Variants in HARS1 observed in about 807,000 individuals in gnomAD.
HARS1 encodes the protein histidyl-tRNA synthetase 1.
HARS1 carries 45 observed loss-of-function variants against 63.6 expected under a neutral mutation model. That is an observed-to-expected ratio of 0.71 (90% confidence interval 0.56 to 0.91). The LOEUF (loss-of-function observed/expected upper bound fraction) is 0.91. HARS1 is among the 40% of genes least tolerant of loss of function. The pLI, the probability that HARS1 is intolerant of heterozygous loss-of-function variation, is 0.00. For synonymous variants in HARS1, 205 were observed against 247.1 expected, an observed-to-expected ratio of 0.83 and a Z score of 1.60; for missense variants, 508 against 643.2, an observed-to-expected ratio of 0.79 and a Z score of 2.27.
At chr5:140,686,603 C>CT (rs569351034) in intron 2 of HARS1, among the ~76,000 whole-genome samples, 3,024 of 135,918 alleles carry the variant, frequency 0.022, 83 homozygotes, top group African/African-American at 0.071. Context: ...TTCTAAAATT[C>CT]TTTTTTTTTT....
intron 1 of HARS1, 38 bp from the exon 2 acceptor site, chr5:140,690,982 C>T (rs751788490): frequency 4.3e-6 from 5 of 1,169,792 alleles, no homozygotes; most frequent in Non-Finnish European, 6.4e-6. Flanking sequence ...ATCCATCTGT[C>T]ACTCTCCTCC....
chr5:140,674,388 G>A, intron 12 of HARS1, 60 bp from the exon 13 acceptor site: 7 of 1,205,690 alleles, frequency 5.8e-6, no homozygotes, highest in Non-Finnish European at 8.7e-6. Flanking sequence ...CTCCCCGAGT[G>A]CCTAGTTTCC....
At chr5:140,684,243 T>C in intron 2 of HARS1, 1 of 487,484 alleles carries the variant, frequency 2.1e-6, no homozygotes, top group Non-Finnish European at 2.7e-6. Context: ...TGAGCTGAGA[T>C]AGTGCCACTG....
Position 140,685,001 on chromosome 5 carries a change from G to A in HARS1, c.181-1782C>T, listed in dbSNP as rs188766717. 305 of 152,240 alleles carry A rather than the reference G, an allele frequency of 2.0e-3. 2 individuals are homozygous for A. The highest frequency in any genetic ancestry group is 6.7e-3 in the African/African-American group (278 of 41,538). The allele number at this position is 152,240 out of a possible 1,614,324, so 9.4% of individuals were successfully genotyped here. ...TCAATCTGTCGTGATATGTCGTGCT[G>A]GTTGAAGTATATAACGAAAATCTAA... On this transcript the variant is annotated intron_variant, in intron 2 of 12. Transcript: ENST00000504156.
chr5:140,687,008 A>G (rs1215905499), intron 2 of HARS1, among the ~76,000 whole-genome samples: 1 of 152,224 alleles, frequency 6.6e-6, no homozygotes, highest in East Asian at 1.9e-4. Flanking sequence ...TGTTGTAAAA[A>G]TGTCTGCCAA....
Position 140,677,033 on chromosome 5 carries a change from T to G in HARS1, c.907A>C (p.Lys303Gln), listed in dbSNP as rs774041144. 30 of 1,614,038 alleles carry G rather than the reference T, an allele frequency of 1.9e-5. No individual in the cohort carries two copies. Among genetic ancestry groups the G allele is most frequent in the Non-Finnish European group, 2.3e-5 (27 of 1,180,026 alleles). Residue 303 changes from lysine (K) to glutamine (Q), a missense_variant, in exon 9 of 13, where the codon AAG becomes CAG. Physicochemically the swap from Lys to Gln is moderately conservative, Grantham distance 53. This residue lies in a region of HARS1 where 403 missense variants were observed against 548.7 expected (regional missense o/e 0.73). Transcript: ENST00000504156. ...AGGGTCAGGTACTCAAAGAGCAACTTCAGGTCTCCCAGGCCCTCCAAGGCC... is the reference window on the plus strand; with the variant it reads ...AGGGTCAGGTACTCAAAGAGCAACTGCAGGTCTCCCAGGCCCTCCAAGGCC... ...KQALEGLGDL[K>Q]LLFEYLTLFG... is the part of the protein sequence containing the mutation.
rs1364777391 is a variant in HARS1, at chr5:140,674,383, C to G, written c.1459-55G>C. 4 of 1,241,512 alleles carry G rather than the reference C, an allele frequency of 3.2e-6. No homozygotes were observed. In the African/African-American group the frequency reaches 4.4e-5, roughly 14 times the overall value. The allele number at this position is 1,241,512 out of a possible 1,614,324, so 76.9% of individuals were successfully genotyped here. A position where few individuals can be genotyped will look rare whatever the true frequency, so the allele number is the denominator to read the frequency against. The stretch of plus-strand genomic sequence containing the variant: ...AAGCATCTTCCATTCCACTGCTCCC[C>G]GAGTGCCTAGTTTCCTCTAGCCCTC... On this transcript the variant is annotated intron_variant, in intron 12 of 12. Transcript: ENST00000504156.
chr5:140,689,718 C>CT (rs1418236151), intron 2 of HARS1, among the ~76,000 whole-genome samples: 4 of 152,182 alleles, frequency 2.6e-5, no homozygotes, highest in African/African-American at 7.2e-5. Context: ...GGCATCTAGT[C>CT]TCAGTCTCAG....
At position 140,676,942 on chromosome 5, in the gene HARS1, C is replaced by T. The variant is rs1321923302; in HGVS notation, c.952-46G>A. 1 of 1,613,866 alleles carries T rather than the reference C, an allele frequency of 6.2e-7. No individual in the cohort carries two copies. Among genetic ancestry groups the T allele is most frequent in the Admixed American group, 1.7e-5 (1 of 59,998 alleles). On this transcript the variant is annotated intron_variant, in intron 9 of 12. Coordinates refer to ENST00000504156, the MANE Select transcript of HARS1 (RefSeq NM_002109.6). This position sits in a 1 kb window ranked among gnomAD's most constrained non-coding sequence, Gnocchi z 4.1. ...TCAGTGCCAGATTAAGATCAGGGAC[C>T]TGAAGCCCCAGAGCTCAGAAGGGAT...
intron 2 of HARS1, chr5:140,684,800 C>CATATGTTAACACAAATAATATATCTATT (rs1562021160): frequency 2.0e-5 from 3 of 152,276 alleles, no homozygotes; most frequent in African/African-American, 7.2e-5. Flanking sequence ...TAACAAATAA[C>CATATGTTAACACAAATAATATATCTATT]ATATGTTAAC....
At chr5:140,690,474 G>T (rs1202341222) in intron 2 of HARS1, among the ~76,000 whole-genome samples, 2 of 152,008 alleles carry the variant, frequency 1.3e-5, no homozygotes, top group East Asian at 3.9e-4. Context: ...AAATCTGTGT[G>T]GGATTATTTG....
Position 140,674,784 on chromosome 5 carries a change from C to T in HARS1, c.1353G>A (p.Gln451=). The T allele has an allele frequency of 6.2e-7, 1 of 1,614,198 alleles. No homozygotes were observed. Among genetic ancestry groups the T allele is most frequent in the Non-Finnish European group, 8.5e-7 (1 of 1,180,036 alleles). ...LYKKNPKLLN[Q]LQYCEEAGIP... ...TGCCTGCCTCCTCACAGTACTGTAA[C>T]TGGTTCAGTAGCTTTGGGTTCTTCT... Residue 451 remains glutamine (Q), a synonymous_variant, in exon 12 of 13, where the codon CAG becomes CAA. Coordinates refer to ENST00000504156, the MANE Select transcript of HARS1 (RefSeq NM_002109.6).
In HARS1 at chr5:140,674,010, T is replaced by A; in HGVS notation, c.*247A>T. 1.7e-6 allele frequency: 1 copy of A among 593,090 alleles called. No individual in the cohort carries two copies. Among genetic ancestry groups the A allele is most frequent in the Non-Finnish European group, 3.0e-6 (1 of 332,238 alleles). 36.7% of individuals were successfully genotyped at this position (593,090 alleles called of 1,614,324 possible). A position where few individuals can be genotyped will look rare whatever the true frequency, so the allele number is the denominator to read the frequency against. On this transcript the variant is annotated 3_prime_UTR_variant, in exon 13 of 13. Transcript: ENST00000504156. ...GATGGGACCATCTCAGGCTGGGTCC[T>A]TGTAGCCCAGGAGCACAGACTGGAC...
At chr5:140,686,875 G>A (rs1759069184) in intron 2 of HARS1, among the ~76,000 whole-genome samples, 1 of 152,308 alleles carries the variant, frequency 6.6e-6, no homozygotes, top group South Asian at 2.1e-4. Flanking sequence ...TTATAGGCTT[G>A]AGCCACCATG....
Position 140,676,037 on chromosome 5 carries a change from T to G in HARS1, c.1194+617A>C, listed in dbSNP as rs1758346605. 1 of 152,174 alleles carries G rather than the reference T, an allele frequency of 6.6e-6. No homozygotes were observed. The highest frequency in any genetic ancestry group is 1.5e-5 in the Non-Finnish European group (1 of 68,048). 9.4% of individuals were successfully genotyped at this position (152,174 alleles called of 1,614,324 possible). On this transcript the variant is annotated intron_variant, in intron 10 of 12. Transcript: ENST00000504156. This position sits in a 1 kb window ranked among gnomAD's most constrained non-coding sequence, Gnocchi z 4.1. ...GAGGCTACAAGAGGCTTCCTTGGTG[T>G]TACTCTAGGTGCTAGAGAGTCACGG...
intron 3 of HARS1, 143 bp downstream of exon 3, chr5:140,682,957 G>T: frequency 1.4e-6 from 1 of 699,142 alleles, no homozygotes; most frequent in Non-Finnish European, 2.4e-6. Flanking sequence ...AGCCATTCTT[G>T]TCCCCCTTCT....
chr5:140,681,114 C>G (rs1287590829), intron 3 of HARS1, among the ~76,000 whole-genome samples: 2 of 152,032 alleles, frequency 1.3e-5, no homozygotes, highest in Admixed American at 6.6e-5. Context: ...GATTAAAAAG[C>G]CTGAAACTTC....
At position 140,674,685 on chromosome 5, in the gene HARS1, C is replaced by T. The variant is rs149283940; in HGVS notation, c.1452G>A (p.Arg484=). 9.9e-6 allele frequency: 16 copies of T among 1,614,110 alleles called. No individual in the cohort carries two copies. In the African/African-American group the frequency reaches 1.7e-4, roughly 18 times the overall value. ...GVIKLRSVTS[R]EEVDVRREDL... is the part of the protein sequence containing the mutation. ...TCCTGCCCACCTCCCTCACCTCTTC[C>T]CTGCTCGTCACTGAACGGAGCTTGA... Residue 484 remains arginine (R), a synonymous_variant, in exon 12 of 13, where the codon AGG becomes AGA. Coordinates refer to ENST00000504156, the MANE Select transcript of HARS1 (RefSeq NM_002109.6).
At chr5:140,686,661 C>T (rs544061013) in intron 2 of HARS1, among the ~76,000 whole-genome samples, 17 of 150,048 alleles carry the variant, frequency 1.1e-4, no homozygotes, top group African/African-American at 2.9e-4. Flanking sequence ...AGTGCAATGA[C>T]GCGATCTCGG....
Sources: gnomAD v4.1 joint callset for allele counts (sites outside exome capture counted in the v4.1 genomes callset) on GRCh38, gnomAD v4.1.1 for gene constraint, gnomAD v4.1.1 regional missense constraint, Gnocchi (gnomAD v3.1) non-coding constraint, MANE v1.5 for transcripts, NCBI Gene and HGNC (gene_info 2026-07-23, HGNC 2026-07-21) for gene names.